The following PRCP variants were observed in gnomAD, a reference collection of about 807,000 sequenced individuals.
PRCP encodes the protein prolylcarboxypeptidase, also known as lysosomal Pro-X carboxypeptidase.
PRCP carries 46 observed loss-of-function variants against 54.2 expected under a neutral mutation model. The ratio of observed to expected loss-of-function variants is 0.85; its 90% CI spans 0.67 to 1.09. The LOEUF (loss-of-function observed/expected upper bound fraction) is 1.09, where lower values mean the gene tolerates loss of function less well. Among genes scored for constraint, PRCP ranks in the 50% least tolerant of loss-of-function variants. The probability of loss-of-function intolerance (pLI) is 0.00; values close to 1 mark genes in which losing one functional copy is unlikely to be tolerated. For missense variants in PRCP, 613 were observed against 596.8 expected (o/e 1.03, Z -0.28); for synonymous variants, 240 against 212.2 (o/e 1.13, Z -1.14).
At chr11:82,849,866 T>G in intron 5 of PRCP, 48 bp downstream of exon 5, 1 of 1,331,092 alleles carries the variant, frequency 7.5e-7, no homozygotes. Flanking sequence ...ATTTAACAAA[T>G]GAAAGGTTAA....
At chr11:82,863,058 C>T (rs1374763356) in intron 1 of PRCP, among the ~76,000 whole-genome samples, 1 of 152,160 alleles carries the variant, frequency 6.6e-6, no homozygotes, top group East Asian at 1.9e-4. Context: ...GGTGAGGTCC[C>T]CAGACCAGCA....
At chr11:82,893,320 G>A (rs1860044968) in intron 1 of PRCP, among the ~76,000 whole-genome samples, 1 of 152,208 alleles carries the variant, frequency 6.6e-6, no homozygotes, top group Non-Finnish European at 1.5e-5. Context: ...GTTAGGTTAA[G>A]TGACCGAAAT....
At chr11:82,864,438 A>G (rs1033766473) in intron 1 of PRCP, among the ~76,000 whole-genome samples, 5 of 152,234 alleles carry the variant, frequency 3.3e-5, no homozygotes, top group African/African-American at 9.6e-5. Flanking sequence ...GGGCTCCTGA[A>G]TAAAGATTTT....
chr11:82,888,904 T>C (rs1859930715), intron 1 of PRCP, among the ~76,000 whole-genome samples: 1 of 152,154 alleles, frequency 6.6e-6, no homozygotes, highest in Admixed American at 6.5e-5. Flanking sequence ...CAATGTCACA[T>C]GTGCTATGGA....
rs757958985 is a variant in PRCP at position 82,839,255 on chromosome 11, A to G, written c.1086+6T>C. 4 of 1,609,832 alleles carry G rather than the reference A, an allele frequency of 2.5e-6. No homozygotes were observed. The highest frequency in any genetic ancestry group is 3.4e-6 in the Non-Finnish European group (4 of 1,178,838). On this transcript the variant is annotated splice_donor_region_variant and intron_variant, in intron 7 of 8. Coordinates refer to ENST00000313010, the MANE Select transcript of PRCP (RefSeq NM_005040.4). ...AGTTCCACTTGGGGAAATTATACATATTTACCTGATAGCTCCAACCCAGTG... is the reference window on the plus strand; with the variant it reads ...AGTTCCACTTGGGGAAATTATACATGTTTACCTGATAGCTCCAACCCAGTG...
intron 2 of PRCP, among the ~76,000 whole-genome samples, chr11:82,857,898 T>C (rs12294147): frequency 0.12 from 17,743 of 152,174 alleles, 1,983 homozygotes; most frequent in African/African-American, 0.29. Context: ...TTGGCAGTGC[T>C]GATCACTCCC....
intron 1 of PRCP, among the ~76,000 whole-genome samples, chr11:82,880,643 G>C (rs192888876): frequency 6.6e-6 from 1 of 152,048 alleles, no homozygotes; most frequent in East Asian, 1.9e-4. Flanking sequence ...GTTCCTATTC[G>C]GCCATCTTGG....
chr11:82,878,277 T>A lies in PRCP; in HGVS notation c.169-18160A>T, dbSNP rs150364545. Among the ~76,000 whole-genome samples, 1,089 of 152,280 alleles carry A rather than the reference T, an allele frequency of 7.2e-3. 10 individuals are homozygous for A. The highest frequency in any genetic ancestry group is 0.025 in the African/African-American group (1,048 of 41,544). ...TCAGGTGAGACTTTGGACTGTGGAC[T>A]TTTGGGTTAATGCTGAAATGAGTTA... On this transcript the variant is annotated intron_variant, in intron 1 of 8. Transcript: ENST00000313010.
chr11:82,880,433 G>A lies in PRCP; in HGVS notation c.168+19802C>T, dbSNP rs186544549. On this transcript the variant is annotated intron_variant, in intron 1 of 8. Coordinates refer to ENST00000313010, the MANE Select transcript of PRCP (RefSeq NM_005040.4). Reference sequence around the variant, plus strand: ...GGAGTGTCCCAATTTTCCAGGTACCGTCTGTCATGGCTTTCCTTGGCTAGG... The same window carrying A: ...GGAGTGTCCCAATTTTCCAGGTACCATCTGTCATGGCTTTCCTTGGCTAGG... Among the ~76,000 whole-genome samples, 761 of 152,280 alleles carry A rather than the reference G, an allele frequency of 5.0e-3. 5 individuals are homozygous for A. Among genetic ancestry groups the A allele is most frequent in the African/African-American group, 0.016 (666 of 41,550 alleles).
chr11:82,854,107 C>T (rs1213136050), intron 2 of PRCP, among the ~76,000 whole-genome samples: 1 of 152,172 alleles, frequency 6.6e-6, no homozygotes, highest in Non-Finnish European at 1.5e-5. Context: ...GGCAAGCATG[C>T]TCTGTCTCAG....
intron 1 of PRCP, chr11:82,884,764 C>T: frequency 1.2e-6 from 2 of 1,604,864 alleles, no homozygotes; most frequent in Middle Eastern, 1.7e-4. Flanking sequence ...AGCTACTTAA[C>T]CAAGTTCATG....
chr11:82,844,424 T>C (rs759079457), intron 6 of PRCP, among the ~76,000 whole-genome samples: 1 of 146,490 alleles, frequency 6.8e-6, no homozygotes, highest in Non-Finnish European at 1.5e-5. Context: ...CCTTCTCTCT[T>C]AAAAAAATAA....
chr11:82,898,151 A>C (rs1442963148), intron 1 of PRCP, among the ~76,000 whole-genome samples: 2 of 152,202 alleles, frequency 1.3e-5, no homozygotes, highest in Non-Finnish European at 2.9e-5. Context: ...AAATGAAATA[A>C]AACTCAATTG....
At position 82,824,761 on chromosome 11, in the gene PRCP, G is replaced by T; in HGVS notation, c.*145C>A. 1.2e-6 allele frequency: 1 copy of T among 801,112 alleles called. No individual in the cohort carries two copies. Among genetic ancestry groups the T allele is most frequent in the Middle Eastern group, 3.6e-4 (1 of 2,742 alleles). The allele number at this position is 801,112 out of a possible 1,614,324, so 49.6% of individuals were successfully genotyped here. ...CATTCATGGGACACTTGCTCTTACC[G>T]TCATCACCCTCTATTCTATCTCAAC... On this transcript the variant is annotated 3_prime_UTR_variant, in exon 9 of 9. Coordinates refer to ENST00000313010, the MANE Select transcript of PRCP (RefSeq NM_005040.4).
In PRCP at chr11:82,860,074, C is replaced by A; in HGVS notation, c.212G>T (p.Arg71Leu). The change falls in exon 2 of 9, where the codon CGG becomes CTG. Residue 71 changes from arginine to leucine, a missense_variant. By Grantham distance (102) the Arg-to-Leu change is moderately radical (BLOSUM62 -2). Transcript: ENST00000313010. ...CCAGTATTTATCAGCTACTAGGTAC[C>A]GCTGATTAAAAGTTTTCACAGTATT... ...GFNTVKTFNQ[R>L]YLVADKYWKK... The A allele has an allele frequency of 6.4e-7, 1 of 1,568,502 alleles. No individual in the cohort carries two copies. The highest frequency in any genetic ancestry group is 1.2e-5 in the South Asian group (1 of 84,010).
chr11:82,839,545 C>G (rs1591040910), intron 6 of PRCP, 120 bp from the exon 7 acceptor site: 1 of 1,081,040 alleles, frequency 9.3e-7, no homozygotes, highest in East Asian at 2.6e-5. Context: ...AAGCTACTAA[C>G]TGCAGTGTTT....
chr11:82,849,952 TG>T lies in PRCP; in HGVS notation c.712del (p.His238ThrfsTer30). 1 of 1,532,760 alleles carries T rather than the reference TG, an allele frequency of 6.5e-7. No homozygotes were observed. Among genetic ancestry groups the T allele is most frequent in the Non-Finnish European group, 8.8e-7 (1 of 1,137,706 alleles). 94.9% of individuals were successfully genotyped at this position (1,532,760 alleles called of 1,614,324 possible). On this transcript the variant is annotated frameshift_variant, in exon 5 of 9. Coordinates refer to ENST00000313010, the MANE Select transcript of PRCP (RefSeq NM_005040.4). LOFTEE classifies it high-confidence loss of function. ...KSGPHCSESI[H>X]RSWDAINRLS... ...TCGATTAATGGCATCCCAGGACCTG[TG>T]GATGCTCTCTGAACAATGTGGACCG...
In PRCP at chr11:82,824,685, A is replaced by G. The variant is rs911878268; in HGVS notation, c.*221T>C. ...CACTGATGGTGTGGGAGAGCTATCA[A>G]GAAGATTCTTCCTAGACGTGGTGCA... On this transcript the variant is annotated 3_prime_UTR_variant, in exon 9 of 9. Transcript: ENST00000313010. 10 of 531,610 alleles carry G rather than the reference A, an allele frequency of 1.9e-5. No individual in the cohort carries two copies. Among genetic ancestry groups the G allele is most frequent in the Admixed American group, 6.4e-5 (2 of 31,240 alleles). 32.9% of individuals were successfully genotyped at this position (531,610 alleles called of 1,614,324 possible).
Position 82,824,632 on chromosome 11 carries a change from C to T in PRCP, c.*274G>A, listed in dbSNP as rs1472426682. 2 of 409,182 alleles carry T rather than the reference C, an allele frequency of 4.9e-6. No homozygotes were observed. Among genetic ancestry groups the T allele is most frequent in the Non-Finnish European group, 8.9e-6 (2 of 223,728 alleles). The allele number at this position is 409,182 out of a possible 1,614,324, so 25.3% of individuals were successfully genotyped here. A position where few individuals can be genotyped will look rare whatever the true frequency, so the allele number is the denominator to read the frequency against. ...TAACTCTCCCTCTTATGAAAAGCAA[C>T]CAGGAACTCTACTCCAGTTATGAGG... On this transcript the variant is annotated 3_prime_UTR_variant, in exon 9 of 9. Transcript: ENST00000313010.
Sources: allele counts gnomAD v4.1 joint callset (sites outside exome capture counted in the v4.1 genomes callset), GRCh38; gene constraint gnomAD v4.1.1; transcripts MANE v1.5; gene names NCBI Gene and HGNC (gene_info 2026-07-23, HGNC 2026-07-21).